The following GALNT18 variants were observed in gnomAD, a reference collection of about 807,000 sequenced individuals.
The protein encoded by GALNT18 is GalNAc-transferase 18.
In GALNT18, 44 loss-of-function variants were observed where a neutral mutation model predicts 69.5. The observed-to-expected ratio is 0.63, with a 90% confidence interval of 0.50 to 0.81. The LOEUF is 0.81. Ranked by LOEUF, GALNT18 falls within the 40% of genes least tolerant of loss-of-function variation. The pLI, the probability that GALNT18 is intolerant of heterozygous loss-of-function variation, is 0.00. For missense variants in GALNT18, 715 were observed against 810.0 expected (o/e 0.88, Z 1.42); for synonymous variants, 364 against 318.2 (o/e 1.14, Z -1.53).
intron 1 of GALNT18, among the ~76,000 whole-genome samples, chr11:11,610,820 C>T (rs940101335): frequency 2.0e-5 from 3 of 152,214 alleles, no homozygotes; most frequent in African/African-American, 7.2e-5. Flanking sequence ...CATGAACTGA[C>T]AGGTCTGAAG....
intron 1 of GALNT18, among the ~76,000 whole-genome samples, chr11:11,547,249 G>A (rs1364733101): frequency 6.6e-6 from 1 of 151,918 alleles, no homozygotes; most frequent in Non-Finnish European, 1.5e-5. Flanking sequence ...GCTTCTCCTA[G>A]TTCTGGGTGA....
chr11:11,289,078 C>G (rs1165628927), intron 10 of GALNT18, among the ~76,000 whole-genome samples: 1 of 152,056 alleles, frequency 6.6e-6, no homozygotes, highest in African/African-American at 2.4e-5. Flanking sequence ...AGATTAAAAC[C>G]TGTTGCAAGA....
At position 11,573,388 on chromosome 11, in the gene GALNT18, A is replaced by G. The variant is rs1176160256; in HGVS notation, c.235+47971T>C. 1 of 152,184 alleles carries G rather than the reference A, an allele frequency of 6.6e-6. No homozygotes were observed. The highest frequency in any genetic ancestry group is 1.5e-5 in the Non-Finnish European group (1 of 68,040). The allele number at this position is 152,184 out of a possible 1,614,324, so 9.4% of individuals were successfully genotyped here. On this transcript the variant is annotated intron_variant, in intron 1 of 10. Coordinates refer to ENST00000227756, the MANE Select transcript of GALNT18 (RefSeq NM_198516.3). The surrounding 1 kb of genome is among the most constrained non-coding windows in gnomAD (Gnocchi z 4.6). ...CTCTTACACTAAGGTACATGTGCCC[A>G]CCTAAGTATCAGCCAAGCCAAGGAG...
In GALNT18 at chr11:11,340,912, G is replaced by A. The variant is rs577502852; in HGVS notation, c.1185C>T (p.Thr395=). 3.1e-5 allele frequency: 50 copies of A among 1,614,046 alleles called. No individual in the cohort carries two copies. The African/African-American group carries it at 4.5e-4, about 15-fold the overall frequency. Residue 395 remains threonine, a synonymous_variant, in exon 7 of 11, where the codon ACC becomes ACT. Coordinates refer to ENST00000227756, the MANE Select transcript of GALNT18 (RefSeq NM_198516.3). The surrounding 1 kb of genome is among the most constrained non-coding windows in gnomAD (Gnocchi z 4.2). The part of the protein sequence containing the change: ...RAHKPYTEDL[T]AHVRRNALRV... The stretch of plus-strand genomic sequence containing the variant: ...TGAGAGCGTTCCTGCGGACATGGGC[G>A]GTGAGGTCCTCTGTGTAGGGCTTGT...
At chr11:11,352,378 A>C (rs4243927) in intron 6 of GALNT18, 1,598,082 of 1,613,992 alleles carry the variant, frequency 0.99, 792,118 homozygotes, top group East Asian at 1. Flanking sequence ...GTCCCCAGAA[A>C]CTTGGCTATC....
At chr11:11,298,286 C>G (rs1022460434) in intron 9 of GALNT18, among the ~76,000 whole-genome samples, 1 of 152,254 alleles carries the variant, frequency 6.6e-6, no homozygotes, top group African/African-American at 2.4e-5. Flanking sequence ...TAGTTTTGTG[C>G]GCCTAGCAGT....
At position 11,436,905 on chromosome 11, in the gene GALNT18, C is replaced by T. The variant is rs182141881; in HGVS notation, c.429-4118G>A. Reference sequence around the variant, plus strand: ...CAGAGCTTTTGCTGCAGAGTCCAGCCACTTTCTCGGCCTGGCAACCCAGCA... The same window carrying T: ...CAGAGCTTTTGCTGCAGAGTCCAGCTACTTTCTCGGCCTGGCAACCCAGCA... On this transcript the variant is annotated intron_variant, in intron 2 of 10. Coordinates refer to ENST00000227756, the MANE Select transcript of GALNT18 (RefSeq NM_198516.3). The surrounding 1 kb of genome is among the most constrained non-coding windows in gnomAD (Gnocchi z 4.5). Among the ~76,000 whole-genome samples, 16 of 152,304 alleles carry T rather than the reference C, an allele frequency of 1.1e-4. No homozygotes were observed. Among genetic ancestry groups the T allele is most frequent in the African/African-American group, 2.6e-4 (11 of 41,562 alleles).
Position 11,541,714 on chromosome 11 carries a change from C to T in GALNT18, c.235+79645G>A, listed in dbSNP as rs1159838163. 2.6e-5 allele frequency among the ~76,000 whole-genome samples: 4 copies of T among 152,118 alleles called. No homozygotes were observed. The highest frequency in any genetic ancestry group is 9.7e-5 in the African/African-American group (4 of 41,400). On this transcript the variant is annotated intron_variant, in intron 1 of 10. Coordinates refer to ENST00000227756, the MANE Select transcript of GALNT18 (RefSeq NM_198516.3). This position sits in a 1 kb window ranked among gnomAD's most constrained non-coding sequence, Gnocchi z 4.8. ...CCCCCACACCTCTATTGCCCCAAAG[C>T]GTCGCTAGTAGCCTTGGGGATTCCT... is the stretch of plus-strand genomic sequence containing the variant.
At chr11:11,274,816 T>C (rs1291473528) in intron 10 of GALNT18, among the ~76,000 whole-genome samples, 2 of 152,242 alleles carry the variant, frequency 1.3e-5, no homozygotes, top group African/African-American at 4.8e-5. Flanking sequence ...TTTTCTGTTC[T>C]TTGCTGTTCT....
At chr11:11,471,992 G>A (rs1016621544) in intron 1 of GALNT18, among the ~76,000 whole-genome samples, 2 of 152,252 alleles carry the variant, frequency 1.3e-5, no homozygotes, top group African/African-American at 4.8e-5. Flanking sequence ...AGGACAGCAA[G>A]ACCAGGCTCA....
intron 1 of GALNT18, among the ~76,000 whole-genome samples, chr11:11,514,368 G>A (rs966799568): frequency 6.6e-6 from 1 of 152,188 alleles, no homozygotes; most frequent in South Asian, 2.1e-4. Flanking sequence ...TTACACAGCA[G>A]AATTCCTGAA....
rs144436466 is a variant in GALNT18, at chr11:11,496,124, T to TTGAA, written c.236-47192_236-47189dup. Among the ~76,000 whole-genome samples, 1,328 of 152,294 alleles carry TTGAA rather than the reference T, an allele frequency of 8.7e-3. 10 individuals are homozygous for TTGAA. Among genetic ancestry groups the TTGAA allele is most frequent in the Admixed American group, 0.018 (280 of 15,302 alleles). On this transcript the variant is annotated intron_variant, in intron 1 of 10. Coordinates refer to ENST00000227756, the MANE Select transcript of GALNT18 (RefSeq NM_198516.3). This position sits in a 1 kb window ranked among gnomAD's most constrained non-coding sequence, Gnocchi z 4.0. The stretch of plus-strand genomic sequence containing the variant: ...GAGCCAGGAGCTTCTTGTGTGTTTG[T>TTGAA]TGAATGAATGAATGAATGAATGAAC...
At chr11:11,462,494 T>C (rs1217902867) in intron 1 of GALNT18, among the ~76,000 whole-genome samples, 3 of 152,006 alleles carry the variant, frequency 2.0e-5, no homozygotes, top group African/African-American at 7.2e-5. Context: ...GGTTTCACCA[T>C]GTTGGCCAGG....
chr11:11,498,468 G>C (rs548343987), intron 1 of GALNT18, among the ~76,000 whole-genome samples: 1 of 152,234 alleles, frequency 6.6e-6, no homozygotes, highest in Non-Finnish European at 1.5e-5. Flanking sequence ...GGCTTCTGTA[G>C]AAGAGTCGAG....
At chr11:11,498,892 G>A (rs1193609510) in intron 1 of GALNT18, among the ~76,000 whole-genome samples, 2 of 152,202 alleles carry the variant, frequency 1.3e-5, no homozygotes, top group African/African-American at 4.8e-5. Flanking sequence ...AAGATTAAAT[G>A]GAAATATGCC....
Position 11,596,924 on chromosome 11 carries a change from G to A in GALNT18, c.235+24435C>T, listed in dbSNP as rs929984442. ...TCAGTCTTTGACCATTAAGTATGAT[G>A]TTAGTTGTGGGATTTTTTGTAGATG... On this transcript the variant is annotated intron_variant, in intron 1 of 10. Transcript: ENST00000227756. This position sits in a 1 kb window ranked among gnomAD's most constrained non-coding sequence, Gnocchi z 4.2. Among the ~76,000 whole-genome samples the A allele has an allele frequency of 1.3e-5, 2 of 152,100 alleles. No homozygotes were observed. The highest frequency in any genetic ancestry group is 6.5e-5 in the Admixed American group (1 of 15,272).
In GALNT18 at chr11:11,603,691, T is replaced by C. The variant is rs1859684882; in HGVS notation, c.235+17668A>G. Among the ~76,000 whole-genome samples, 1 of 152,230 alleles carries C rather than the reference T, an allele frequency of 6.6e-6. No individual in the cohort carries two copies. The highest frequency in any genetic ancestry group is 1.5e-5 in the Non-Finnish European group (1 of 68,036). ...TCCCTAAAAAGATCTATGGATTTTA[T>C]TGGATCCAGTGTTATTTGAGACATC... On this transcript the variant is annotated intron_variant, in intron 1 of 10. Transcript: ENST00000227756. This position sits in a 1 kb window ranked among gnomAD's most constrained non-coding sequence, Gnocchi z 4.5.
intron 1 of GALNT18, among the ~76,000 whole-genome samples, chr11:11,609,907 C>T (rs1245241150): frequency 1.3e-5 from 2 of 152,184 alleles, no homozygotes; most frequent in Admixed American, 1.3e-4. Flanking sequence ...CCTACCCCAC[C>T]CCATGCCCTG....
rs997098076 is a variant in GALNT18 at position 11,389,948 on chromosome 11, G to A, written c.596-10684C>T. Among the ~76,000 whole-genome samples the A allele has an allele frequency of 1.3e-4, 20 of 152,140 alleles. No homozygotes were observed. Among genetic ancestry groups the A allele is most frequent in the African/African-American group, 4.6e-4 (19 of 41,422 alleles). The stretch of plus-strand genomic sequence containing the variant: ...TGCAAGGCTTAGAGTTTAGAGTGCT[G>A]CCGAACTCAAAAATTTGATGATCCT... On this transcript the variant is annotated intron_variant, in intron 3 of 10. Coordinates refer to ENST00000227756, the MANE Select transcript of GALNT18 (RefSeq NM_198516.3). This position sits in a 1 kb window ranked among gnomAD's most constrained non-coding sequence, Gnocchi z 4.3.
Sources: allele counts gnomAD v4.1 joint callset (sites outside exome capture counted in the v4.1 genomes callset), GRCh38; gene constraint gnomAD v4.1.1; non-coding constraint Gnocchi (gnomAD v3.1); transcripts MANE v1.5; gene names NCBI Gene and HGNC (gene_info 2026-07-23, HGNC 2026-07-21).